Variants in PRKD3 observed in about 807,000 individuals in gnomAD.
PRKD3 encodes serine/threonine-protein kinase D3.
A neutral mutation model predicts 99.2 loss-of-function variants in PRKD3; 47 were observed. That is an observed-to-expected ratio of 0.47 (90% CI 0.38 to 0.60). The LOEUF (loss-of-function observed/expected upper bound fraction) is 0.60, where lower values mean the gene tolerates loss of function less well. PRKD3 is among the 20% of genes least tolerant of loss of function. The pLI, the probability that PRKD3 is intolerant of heterozygous loss-of-function variation, is 0.00. For missense variants in PRKD3, 1,019 were observed against 1,088.4 expected, an observed-to-expected ratio of 0.94 and a Z score of 0.90; for synonymous variants, 392 against 355.4, an observed-to-expected ratio of 1.10 and a Z score of -1.16.
intron 14 of PRKD3, among the ~76,000 whole-genome samples, chr2:37,263,333 C>T (rs1558531163): frequency 6.6e-6 from 1 of 152,106 alleles, no homozygotes. Context: ...TTTATTTCTG[C>T]TTTAATGCAT....
At position 37,251,586 on chromosome 2, in the gene PRKD3, C is replaced by T. The variant is rs944032146; in HGVS notation, c.*1591G>A. 6.6e-6 allele frequency: 1 copy of T among 152,230 alleles called. No individual in the cohort carries two copies. The highest frequency in any genetic ancestry group is 2.4e-5 in the African/African-American group (1 of 41,386). The allele number at this position is 152,230 out of a possible 1,614,324, so 9.4% of individuals were successfully genotyped here. ...ACTAGCTTCAGGGATGTCGAAAGGC[C>T]TTCTCAGTCTGTTCATGTACCAGAA... On this transcript the variant is annotated 3_prime_UTR_variant, in exon 19 of 19. Coordinates refer to ENST00000234179, the MANE Select transcript of PRKD3 (RefSeq NM_005813.6).
intron 2 of PRKD3, among the ~76,000 whole-genome samples, chr2:37,299,005 A>G (rs776745073): frequency 1.4e-5 from 2 of 144,220 alleles, no homozygotes; most frequent in African/African-American, 2.5e-5. Context: ...CTTGTTTCAG[A>G]TCTTAGAGGA....
At chr2:37,279,047 T>C (rs1669713094) in intron 8 of PRKD3, 1 of 152,182 alleles carries the variant, frequency 6.6e-6, no homozygotes, top group South Asian at 2.1e-4. Context: ...AACTGTTATT[T>C]AATGATAAGC....
intron 8 of PRKD3, chr2:37,279,493 TTTTC>T (rs1165894049): frequency 1.9e-5 from 5 of 258,422 alleles, no homozygotes; most frequent in Non-Finnish European, 2.9e-5. Context: ...CTTAAAGCAT[TTTTC>T]TTTAAGAACA....
At chr2:37,282,683 A>G in intron 6 of PRKD3, 64 bp from the exon 7 acceptor site, 1 of 1,108,690 alleles carries the variant, frequency 9.0e-7, no homozygotes, top group Non-Finnish European at 1.4e-6. Flanking sequence ...ATATGGTTAG[A>G]CTTTCTTTAA....
Position 37,268,067 on chromosome 2 carries a change from T to C in PRKD3, c.1778-531A>G, listed in dbSNP as rs570336985. On this transcript the variant is annotated intron_variant, in intron 13 of 18. Coordinates refer to ENST00000234179, the MANE Select transcript of PRKD3 (RefSeq NM_005813.6). Reference sequence around the variant, plus strand: ...AACAGTCATTCCCTCATTTATTAATTCAAATTAACTAGTTATACCTATTAT... The same window carrying C: ...AACAGTCATTCCCTCATTTATTAATCCAAATTAACTAGTTATACCTATTAT... The C allele has an allele frequency of 3.3e-4, 65 of 195,928 alleles. No homozygotes were observed. The South Asian group carries it at 5.1e-3, about 15-fold the overall frequency. The allele number at this position is 195,928 out of a possible 1,614,324, so 12.1% of individuals were successfully genotyped here. A position where few individuals can be genotyped will look rare whatever the true frequency, so the allele number is the denominator to read the frequency against.
At position 37,251,798 on chromosome 2, in the gene PRKD3, TCCAGGCCAACATAACTAACAA is replaced by T. The variant is rs1312719979; in HGVS notation, c.*1358_*1378del. 1.3e-5 allele frequency: 2 copies of T among 151,928 alleles called. No individual in the cohort carries two copies. The highest frequency in any genetic ancestry group is 4.8e-5 in the African/African-American group (2 of 41,370). The allele number at this position is 151,928 out of a possible 1,614,324, so 9.4% of individuals were successfully genotyped here. A position where few individuals can be genotyped will look rare whatever the true frequency, so the allele number is the denominator to read the frequency against. ...GAACTGCCGACAGACCTGCCATCTG[TCCAGGCCAACATAACTAACAA>T]GTAGTGGAGTCCAAGACCTCAGCAA... is the stretch of plus-strand genomic sequence containing the variant. On this transcript the variant is annotated 3_prime_UTR_variant, in exon 19 of 19. Transcript: ENST00000234179.
chr2:37,316,476 T>C lies in PRKD3; in HGVS notation c.49A>G (p.Thr17Ala). Residue 17 changes from threonine to alanine, a missense_variant, in exon 2 of 19, where the codon ACA (threonine) becomes GCA (alanine). Physicochemically the swap from Thr to Ala is moderately conservative, Grantham distance 58. Around this residue, in one of 3 missense-constraint regions of PRKD3, gnomAD observed 710 missense variants for 692.7 expected, o/e 1.02. Coordinates refer to ENST00000234179, the MANE Select transcript of PRKD3 (RefSeq NM_005813.6). ...PPSAQKSVLP[T>A]AIPAVLPAAS... ...GCTGGAAGCACAGCAGGAATAGCTG[T>C]GGGTAATACAGACTTCTGGGCTGAT... 1 of 1,614,202 alleles carries C rather than the reference T, an allele frequency of 6.2e-7. No individual in the cohort carries two copies. The highest frequency in any genetic ancestry group is 8.5e-7 in the Non-Finnish European group (1 of 1,180,008).
chr2:37,317,432 T>A (rs1290778627), intron 1 of PRKD3, among the ~76,000 whole-genome samples: 2 of 151,556 alleles, frequency 1.3e-5, no homozygotes, highest in Non-Finnish European at 2.9e-5. Flanking sequence ...AAACATTTTT[T>A]AAAATTTACC....
At chr2:37,315,935 G>T (rs527313672) in intron 2 of PRKD3, among the ~76,000 whole-genome samples, 1 of 152,166 alleles carries the variant, frequency 6.6e-6, no homozygotes, top group Admixed American at 6.5e-5. Flanking sequence ...ATGTTGGCCA[G>T]GCTGGTCTCG....
chr2:37,286,713 C>T (rs1670111326), intron 5 of PRKD3, among the ~76,000 whole-genome samples: 1 of 152,142 alleles, frequency 6.6e-6, no homozygotes, highest in South Asian at 2.1e-4. Flanking sequence ...GCTCATTTTG[C>T]ATTACTGAAT....
At chr2:37,260,830 C>A (rs920410957) in intron 14 of PRKD3, among the ~76,000 whole-genome samples, 1 of 152,088 alleles carries the variant, frequency 6.6e-6, no homozygotes, top group African/African-American at 2.4e-5. Context: ...AGTCTTGATT[C>A]TTATAATATT....
chr2:37,297,049 A>G (rs1200852506), intron 2 of PRKD3, among the ~76,000 whole-genome samples: 2 of 152,090 alleles, frequency 1.3e-5, no homozygotes, highest in African/African-American at 4.8e-5. Context: ...ATTATACAGA[A>G]CAAACAAAAA....
intron 14 of PRKD3, among the ~76,000 whole-genome samples, chr2:37,262,114 AC>A (rs1467452855): frequency 6.6e-6 from 1 of 152,074 alleles, no homozygotes; most frequent in Non-Finnish European, 1.5e-5. Flanking sequence ...TGGAGATATG[AC>A]CCCGTCGCAA....
chr2:37,296,537 T>G (rs1385987644), intron 2 of PRKD3, among the ~76,000 whole-genome samples: 1 of 152,062 alleles, frequency 6.6e-6, no homozygotes, highest in African/African-American at 2.4e-5. Flanking sequence ...ATAGCCAGCC[T>G]GTGAAAAAGA....
At chr2:37,272,464 T>A (rs565532611) in intron 11 of PRKD3, 32 bp from the exon 12 acceptor site, 1 of 1,578,900 alleles carries the variant, frequency 6.3e-7, no homozygotes, top group Non-Finnish European at 8.6e-7. Flanking sequence ...AAATTTAGTA[T>A]ATGACAATAT....
intron 11 of PRKD3, among the ~76,000 whole-genome samples, chr2:37,273,144 ATGT>A (rs1228906992): frequency 6.6e-6 from 1 of 152,166 alleles, no homozygotes; most frequent in African/African-American, 2.4e-5. Context: ...TAATTTTATA[ATGT>A]TGTTTTTTGG....
At chr2:37,279,533 AC>A in intron 8 of PRKD3, 1 of 351,044 alleles carries the variant, frequency 2.8e-6, no homozygotes, top group East Asian at 4.7e-5. Context: ...AAAAAAAAAA[AC>A]AAGGATTCTC....
rs753563820 is a variant in PRKD3, at chr2:37,279,881, T to C, written c.1037A>G (p.Asn346Ser). 21 of 1,613,304 alleles carry C rather than the reference T, an allele frequency of 1.3e-5. No individual in the cohort carries two copies. The highest frequency in any genetic ancestry group is 4.5e-5 in the East Asian group (2 of 44,828). The change falls in exon 8 of 19, where the codon AAT becomes AGT. Residue 346 changes from asparagine to serine, a missense_variant. Asn to Ser is a conservative substitution (Grantham distance 46). Around this residue, in one of 3 missense-constraint regions of PRKD3, gnomAD observed 710 missense variants for 692.7 expected, o/e 1.02. Coordinates refer to ENST00000234179, the MANE Select transcript of PRKD3 (RefSeq NM_005813.6). ...TDTDIPMDID[N>S]NDINSDSSRG... is the part of the protein sequence containing the mutation. Reference sequence around the variant, plus strand: ...ACTACTATCACTATTTATGTCATTATTGTCAATATCCATTGGTATATCTGT... The same window carrying C: ...ACTACTATCACTATTTATGTCATTACTGTCAATATCCATTGGTATATCTGT...
Sources: gnomAD v4.1 joint callset for allele counts (sites outside exome capture counted in the v4.1 genomes callset) on GRCh38, gnomAD v4.1.1 for gene constraint, gnomAD v4.1.1 regional missense constraint, MANE v1.5 for transcripts, NCBI Gene and HGNC (gene_info 2026-07-23, HGNC 2026-07-21) for gene names.